The following GEMIN5 variants were observed in gnomAD, a reference collection of about 807,000 sequenced individuals.
The protein encoded by GEMIN5 is gem-associated protein 5.
A neutral mutation model predicts 176.9 loss-of-function variants in GEMIN5; 124 were observed. That is an observed-to-expected ratio of 0.70 (90% CI 0.61 to 0.81). GEMIN5 has a LOEUF of 0.81. Ranked by LOEUF, GEMIN5 falls within the 40% of genes least tolerant of loss-of-function variation. The pLI, the probability that GEMIN5 is intolerant of heterozygous loss-of-function variation, is 0.00. For missense variants in GEMIN5, 1,843 were observed against 1,814.6 expected, an observed-to-expected ratio of 1.02 and a Z score of -0.28; for synonymous variants, 673 against 665.2, an observed-to-expected ratio of 1.01 and a Z score of -0.18.
chr5:154,910,860 G>A (rs1411726901), intron 15 of GEMIN5, among the ~76,000 whole-genome samples: 6 of 152,076 alleles, frequency 3.9e-5, no homozygotes, highest in Admixed American at 1.3e-4. Context: ...CAACACGCCC[G>A]GGTAATTTTT....
chr5:154,936,564 T>C (rs1031279773), intron 2 of GEMIN5, among the ~76,000 whole-genome samples: 5 of 152,240 alleles, frequency 3.3e-5, no homozygotes, highest in Non-Finnish European at 7.3e-5. Flanking sequence ...TCTTATTAAG[T>C]AGGTCTTTTC....
At chr5:154,891,170 T>C (rs1582646892) in intron 26 of GEMIN5, 71 bp downstream of exon 26, 6 of 1,414,744 alleles carry the variant, frequency 4.2e-6, no homozygotes, top group East Asian at 4.6e-5. Flanking sequence ...GCTGGGATTA[T>C]AGGCATGAAC....
chr5:154,920,997 C>T (rs1763909892), intron 10 of GEMIN5, among the ~76,000 whole-genome samples: 1 of 152,032 alleles, frequency 6.6e-6, no homozygotes, highest in Non-Finnish European at 1.5e-5. Context: ...AAGTATCATT[C>T]TAATTCTGAT....
At chr5:154,936,151 T>G (rs1017375509) in intron 2 of GEMIN5, 129 bp from the exon 3 acceptor site, 1 of 614,354 alleles carries the variant, frequency 1.6e-6, no homozygotes, top group African/African-American at 1.9e-5. Context: ...GCGCGGTGGC[T>G]CACGCCTGTA....
chr5:154,892,591 G>A (rs770452202), intron 24 of GEMIN5, 42 bp from the exon 25 acceptor site: 54 of 1,590,162 alleles, frequency 3.4e-5, no homozygotes, highest in African/African-American at 2.1e-4. Context: ...ATCCTCCCAC[G>A]GTAGGCGCAG....
intron 5 of GEMIN5, among the ~76,000 whole-genome samples, chr5:154,931,089 T>C (rs772807616): frequency 9.9e-5 from 15 of 152,254 alleles, no homozygotes; most frequent in Admixed American, 2.0e-4. Flanking sequence ...ATGTAATTTA[T>C]TCTGCATTTG....
intron 14 of GEMIN5, among the ~76,000 whole-genome samples, chr5:154,912,477 C>G (rs990216374): frequency 2.0e-5 from 3 of 152,214 alleles, no homozygotes; most frequent in South Asian, 4.1e-4. Flanking sequence ...CCTCATAGAT[C>G]TGGCTTGGCA....
rs142787271 is a variant in GEMIN5, at chr5:154,895,004, G to A, written c.3597+1088C>T. Among the ~76,000 whole-genome samples, 111 of 151,128 alleles carry A rather than the reference G, an allele frequency of 7.3e-4. 1 individual carries two copies. Among genetic ancestry groups the A allele is most frequent in the African/African-American group, 2.5e-3 (104 of 41,086 alleles). ...TGAGGCAGGAGAATTGCTTGAACCT[G>A]GGAGGCGGAGGTTGCAGTGAGCAGA... On this transcript the variant is annotated intron_variant, in intron 24 of 27. Coordinates refer to ENST00000285873, the MANE Select transcript of GEMIN5 (RefSeq NM_015465.5).
At chr5:154,933,816 T>C (rs1764212168) in intron 3 of GEMIN5, among the ~76,000 whole-genome samples, 1 of 151,252 alleles carries the variant, frequency 6.6e-6, no homozygotes, top group Admixed American at 6.6e-5. Context: ...TTTCTGGGAA[T>C]AATACTATTC....
Position 154,891,489 on chromosome 5 carries a change from A to G in GEMIN5, c.4014T>C (p.Pro1338=). The G allele has an allele frequency of 6.2e-7, 1 of 1,614,134 alleles. No individual in the cohort carries two copies. The highest frequency in any genetic ancestry group is 1.1e-5 in the South Asian group (1 of 91,082). Residue 1338 remains proline, a synonymous_variant, in exon 26 of 28, where the codon CCT becomes CCC. Transcript: ENST00000285873. ...PETSQPEPNR[P]SELDLRLTEE... ...CTGTGAGTCTCAAGTCTAGTTCTGA[A>G]GGCCTGTTTGGCTCTGGCTGAGAAG...
chr5:154,897,910 T>TG (rs1299607882), intron 23 of GEMIN5, among the ~76,000 whole-genome samples: 23 of 104,632 alleles, frequency 2.2e-4, no homozygotes, highest in Non-Finnish European at 4.1e-5. Context: ...GTGTTTTTTT[T>TG]TGTGTTTTTT....
At chr5:154,935,034 C>T (rs1404088652) in intron 3 of GEMIN5, among the ~76,000 whole-genome samples, 11 of 152,204 alleles carry the variant, frequency 7.2e-5, no homozygotes, top group Admixed American at 7.2e-4. Context: ...ATCCAATCCC[C>T]TCTTGACTTT....
Position 154,891,240 on chromosome 5 carries a change from C to G in GEMIN5, c.4262+1G>C, listed in dbSNP as rs1763218351. 1 of 1,612,096 alleles carries G rather than the reference C, an allele frequency of 6.2e-7. No homozygotes were observed. Reference sequence around the variant, plus strand: ...CGTCTTGTACTTGCCTCAGTACTTACCACTGGCTCTGAGAACTGCAGAGGG... The same window carrying G: ...CGTCTTGTACTTGCCTCAGTACTTAGCACTGGCTCTGAGAACTGCAGAGGG... On this transcript the variant is annotated splice_donor_variant, in intron 26 of 27. Transcript: ENST00000285873. LOFTEE classifies it high-confidence loss of function.
Position 154,899,265 on chromosome 5 carries a change from TG to T in GEMIN5, c.3059del (p.Pro1020GlnfsTer3), listed in dbSNP as rs750884154. On this transcript the variant is annotated frameshift_variant, in exon 22 of 28. Coordinates refer to ENST00000285873, the MANE Select transcript of GEMIN5 (RefSeq NM_015465.5). LOFTEE classifies it high-confidence loss of function. The part of the protein sequence containing the change: ...IAKARLRPED[P>X]VLKDLYLSWG... ...AGCTGAGGTACAAGTCCTTCAGGAC[TG>T]GGTCCTCCGGGCGCAGCCGGGCCTT... is the stretch of plus-strand genomic sequence containing the variant. 5 of 1,612,994 alleles carry T rather than the reference TG, an allele frequency of 3.1e-6. No homozygotes were observed. In the South Asian group the frequency reaches 5.5e-5, roughly 18 times the overall value.
rs1764183737 is a variant in GEMIN5, at chr5:154,932,206, CCTTT to C, written c.550_553del (p.Lys184GlufsTer17). The C allele has an allele frequency of 6.2e-7, 1 of 1,611,186 alleles. No individual in the cohort carries two copies. The highest frequency in any genetic ancestry group is 8.5e-7 in the Non-Finnish European group (1 of 1,177,470). On this transcript the variant is annotated frameshift_variant, in exon 4 of 28. Coordinates refer to ENST00000285873, the MANE Select transcript of GEMIN5 (RefSeq NM_015465.5). LOFTEE classifies it high-confidence loss of function. ...GCCTCGAAGCCTATGAATAACTTCTCCTTTCTTACTGATGTCAATTATCACCACT... is the reference window on the plus strand; with the variant it reads ...GCCTCGAAGCCTATGAATAACTTCTCCTTACTGATGTCAATTATCACCACT...
In GEMIN5 at chr5:154,907,619, C is replaced by T. The variant is rs570321703; in HGVS notation, c.2367G>A (p.Pro789=). 84 of 1,613,798 alleles carry T rather than the reference C, an allele frequency of 5.2e-5. No individual in the cohort carries two copies. Among genetic ancestry groups the T allele is most frequent in the Non-Finnish European group, 6.8e-5 (80 of 1,179,850 alleles). Residue 789 remains proline, a synonymous_variant, in exon 16 of 28, where the codon CCG becomes CCA. Transcript: ENST00000285873. ...DQEGEEQARE[P]ELPCGLAPAV... ...CTGGAGCAAGGCCACAGGGTAATTC[C>T]GGCTCCCGTGCTTGCTCCTCCCCTT...
chr5:154,898,656 A>C lies in GEMIN5; in HGVS notation c.3135-6T>G. 1.3e-6 allele frequency: 2 copies of C among 1,592,472 alleles called. No individual in the cohort carries two copies. The highest frequency in any genetic ancestry group is 1.7e-6 in the Non-Finnish European group (2 of 1,160,278). On this transcript the variant is annotated splice_region_variant and splice_polypyrimidine_tract_variant and intron_variant, in intron 22 of 27. Coordinates refer to ENST00000285873, the MANE Select transcript of GEMIN5 (RefSeq NM_015465.5). The stretch of plus-strand genomic sequence containing the variant: ...CACAAGTGGCCCCTAAATAGCTATA[A>C]TATGAATAAAAATGTGAAGAAAATG...
intron 27 of GEMIN5, among the ~76,000 whole-genome samples, chr5:154,889,037 C>T (rs1466479096): frequency 1.2e-4 from 18 of 151,942 alleles, no homozygotes; most frequent in African/African-American, 3.6e-4. Flanking sequence ...CCCCCACGCC[C>T]GGCTAATATT....
Position 154,895,163 on chromosome 5 carries a change from C to G in GEMIN5, c.3597+929G>C, listed in dbSNP as rs917694835. On this transcript the variant is annotated intron_variant, in intron 24 of 27. Coordinates refer to ENST00000285873, the MANE Select transcript of GEMIN5 (RefSeq NM_015465.5). ...TTCAAAGTATATACCATTTGAGAAG[C>G]CTTGTTCCTCATAAATATCATAATG... Among the ~76,000 whole-genome samples, 4 of 151,726 alleles carry G rather than the reference C, an allele frequency of 2.6e-5. No individual in the cohort carries two copies. The East Asian group carries it at 5.8e-4, about 22-fold the overall frequency.
Sources: gnomAD v4.1 joint callset for allele counts (sites outside exome capture counted in the v4.1 genomes callset) on GRCh38, gnomAD v4.1.1 for gene constraint, MANE v1.5 for transcripts, NCBI Gene and HGNC (gene_info 2026-07-23, HGNC 2026-07-21) for gene names.